Variants in ITGA4 observed in about 807,000 individuals in gnomAD.
ITGA4 encodes integrin subunit alpha 4, also known as integrin alpha-4.
Under a neutral mutation model 133.6 loss-of-function variants are expected in ITGA4, and 63 were observed. That is an observed-to-expected ratio of 0.47 (90% CI 0.38 to 0.58). The LOEUF is 0.58. Among genes scored for constraint, ITGA4 ranks in the 20% least tolerant of loss-of-function variants. The pLI is 0.00. For missense variants in ITGA4, 1,076 were observed against 1,252.7 expected, an observed-to-expected ratio of 0.86 and a Z score of 2.13; for synonymous variants, 483 against 438.0, an observed-to-expected ratio of 1.10 and a Z score of -1.28.
At position 181,523,217 on chromosome 2, in the gene ITGA4, CACATATATACAT is replaced by C. The variant is rs1336275816; in HGVS notation, c.2074-210_2074-199del. ...ATATATATACACACACATATATACACACATATATACATACATATATATACACATACATATATA... is the reference window on the plus strand; with the variant it reads ...ATATATATACACACACATATATACACACATATATATACACATACATATATA... On this transcript the variant is annotated intron_variant, in intron 18 of 27. Coordinates refer to ENST00000397033, the MANE Select transcript of ITGA4 (RefSeq NM_000885.6). This position sits in a 1 kb window ranked among gnomAD's most constrained non-coding sequence, Gnocchi z 4.2. 15 of 392,116 alleles carry C rather than the reference CACATATATACAT, an allele frequency of 3.8e-5. No homozygotes were observed. The highest frequency in any genetic ancestry group is 2.7e-4 in the East Asian group (6 of 22,598). The allele number at this position is 392,116 out of a possible 1,614,324, so 24.3% of individuals were successfully genotyped here. A position where few individuals can be genotyped will look rare whatever the true frequency, so the allele number is the denominator to read the frequency against.
chr2:181,512,912 T>C (rs566728354), intron 17 of ITGA4, among the ~76,000 whole-genome samples: 2 of 152,056 alleles, frequency 1.3e-5, no homozygotes, highest in South Asian at 2.1e-4. Flanking sequence ...TTAGAAGATG[T>C]AAATGTGAGT....
At chr2:181,521,103 C>T (rs1038074447) in intron 17 of ITGA4, among the ~76,000 whole-genome samples, 3 of 152,018 alleles carry the variant, frequency 2.0e-5, no homozygotes, top group Non-Finnish European at 2.9e-5. Context: ...GGATATTTAT[C>T]TTTTTTATCT....
In ITGA4 at chr2:181,538,204, C is replaced by T. The variant is rs753367773; in HGVS notation, c.*2677C>T. The T allele has an allele frequency of 1.8e-5, 28 of 1,584,180 alleles. No homozygotes were observed. Among genetic ancestry groups the T allele is most frequent in the Middle Eastern group, 3.9e-4 (2 of 5,178 alleles). On this transcript the variant is annotated 3_prime_UTR_variant, in exon 28 of 28. Transcript: ENST00000397033. ...ACATGTTACTTTGGAATCATTTCTT[C>T]CATGCTTCCTCCATAAAGACTGATA...
At chr2:181,511,667 CAAAAT>C (rs1559052189) in intron 16 of ITGA4, 27 bp from the exon 17 acceptor site, 2 of 1,231,616 alleles carry the variant, frequency 1.6e-6, no homozygotes, top group Non-Finnish European at 2.4e-6. Flanking sequence ...CTGATTAAAT[CAAAAT>C]AAAAAACGTT....
At position 181,485,964 on chromosome 2, in the gene ITGA4, T is replaced by C; in HGVS notation, c.1125T>C (p.Leu375=). ...GATTTGGGGAATCTATAGTTAATCT[T>C]GGCGACATTGACAATGATGGCTTTG... ...AARFGESIVN[L]GDIDNDGFED... The change falls in exon 10 of 28, where the codon CTT becomes CTC. Residue 375 remains leucine, a synonymous_variant. Transcript: ENST00000397033. 6.3e-7 allele frequency: 1 copy of C among 1,599,284 alleles called. No individual in the cohort carries two copies. The highest frequency in any genetic ancestry group is 8.5e-7 in the Non-Finnish European group (1 of 1,176,488).
intron 2 of ITGA4, among the ~76,000 whole-genome samples, chr2:181,470,562 G>C (rs1004659430): frequency 3.3e-5 from 5 of 152,128 alleles, no homozygotes; most frequent in African/African-American, 1.2e-4. Flanking sequence ...CCCTTCAGTT[G>C]ATTCTAACGT....
At chr2:181,474,638 T>A (rs1016363170) in intron 2 of ITGA4, among the ~76,000 whole-genome samples, 1 of 152,252 alleles carries the variant, frequency 6.6e-6, no homozygotes, top group African/African-American at 2.4e-5. Flanking sequence ...TTCCAAACGT[T>A]AGACACAGCA....
At chr2:181,472,927 C>G (rs143662796) in intron 2 of ITGA4, among the ~76,000 whole-genome samples, 1 of 152,310 alleles carries the variant, frequency 6.6e-6, no homozygotes, top group East Asian at 1.9e-4. Flanking sequence ...CAGCAAGACT[C>G]CTTTCCAATT....
Position 181,475,235 on chromosome 2 carries a change from TG to T in ITGA4, c.504del (p.Pro170LeufsTer7), listed in dbSNP as rs1685647954. ...NKLPTGGCYG[V>X]PPDLRTELSK... is the part of the protein sequence containing the mutation. ...CTCCCCACTGGTGGTTGCTATGGAG[TG>T]CCCCCTGATTTACGAACAGAACTGA... is the stretch of plus-strand genomic sequence containing the variant. On this transcript the variant is annotated frameshift_variant, in exon 4 of 28. Coordinates refer to ENST00000397033, the MANE Select transcript of ITGA4 (RefSeq NM_000885.6). LOFTEE classifies it high-confidence loss of function. 6.2e-7 allele frequency: 1 copy of T among 1,612,842 alleles called. No individual in the cohort carries two copies. Among genetic ancestry groups the T allele is most frequent in the Non-Finnish European group, 8.5e-7 (1 of 1,178,830 alleles).
At position 181,493,435 on chromosome 2, in the gene ITGA4, A is replaced by G. The variant is rs202032302; in HGVS notation, c.1248+16A>G. The G allele has an allele frequency of 2.5e-5, 38 of 1,504,002 alleles. No individual in the cohort carries two copies. In the South Asian group the frequency reaches 2.8e-4, roughly 11 times the overall value. 93.2% of individuals were successfully genotyped at this position (1,504,002 alleles called of 1,614,324 possible). A position where few individuals can be genotyped will look rare whatever the true frequency, so the allele number is the denominator to read the frequency against. On this transcript the variant is annotated intron_variant, in intron 11 of 27. Transcript: ENST00000397033. ...CTTCTCACAGGTAAGGTACTATTCT[A>G]TTTCCAAAAGAAGCATTGGTTATAA...
intron 22 of ITGA4, among the ~76,000 whole-genome samples, chr2:181,528,431 A>G (rs1319417420): frequency 6.6e-6 from 1 of 152,244 alleles, no homozygotes; most frequent in Non-Finnish European, 1.5e-5. Context: ...GTTAAAAAGT[A>G]TTTTCTACTA....
intron 10 of ITGA4, among the ~76,000 whole-genome samples, chr2:181,492,744 G>A (rs1352831436): frequency 2.0e-5 from 3 of 152,132 alleles, no homozygotes; most frequent in Non-Finnish European, 4.4e-5. Context: ...GAAATCCTGT[G>A]TGTCTGTGTG....
intron 21 of ITGA4, among the ~76,000 whole-genome samples, chr2:181,526,783 G>C (rs1380061458): frequency 7.3e-6 from 1 of 136,788 alleles, no homozygotes; most frequent in Non-Finnish European, 1.5e-5. Flanking sequence ...GAATATCGGT[G>C]AGGGACAGAT....
chr2:181,457,881 G>A (rs1685166364), intron 1 of ITGA4, 30 bp downstream of exon 1: 2 of 1,561,362 alleles, frequency 1.3e-6, no homozygotes, highest in Non-Finnish European at 1.7e-6. Context: ...TGCGCCCTCA[G>A]CAGCTCAGAG....
intron 17 of ITGA4, 132 bp downstream of exon 17, chr2:181,511,907 C>A (rs1047504298): frequency 3.7e-6 from 2 of 545,496 alleles, no homozygotes; most frequent in African/African-American, 1.9e-5. Context: ...ATTAGCAACA[C>A]AATGCTTAGT....
intron 11 of ITGA4, among the ~76,000 whole-genome samples, chr2:181,493,809 CAT>C (rs944665414): frequency 1.3e-5 from 2 of 152,200 alleles, no homozygotes; most frequent in African/African-American, 4.8e-5. Flanking sequence ...ATCAAACACA[CAT>C]ATGATTCTCT....
At chr2:181,524,143 A>G (rs1329090587) in intron 19 of ITGA4, 28 bp from the exon 20 acceptor site, 1 of 1,460,308 alleles carries the variant, frequency 6.8e-7, no homozygotes, top group South Asian at 1.3e-5. Context: ...ATTTTTTTTA[A>G]TGGGCTTTCC....
At chr2:181,511,872 C>T (rs918121452) in intron 17 of ITGA4, 97 bp downstream of exon 17, 3 of 639,588 alleles carry the variant, frequency 4.7e-6, no homozygotes, top group African/African-American at 1.8e-5. Flanking sequence ...AGAGCTAACC[C>T]TTGAAAATTA....
intron 18 of ITGA4, 116 bp downstream of exon 18, chr2:181,522,457 C>T (rs924410835): frequency 2.9e-6 from 2 of 692,092 alleles, no homozygotes; most frequent in African/African-American, 3.7e-5. Context: ...TATTTAGGCT[C>T]CTAGTTATTT....
Sources: allele counts gnomAD v4.1 joint callset (sites outside exome capture counted in the v4.1 genomes callset), GRCh38; gene constraint gnomAD v4.1.1; non-coding constraint Gnocchi (gnomAD v3.1); transcripts MANE v1.5; gene names NCBI Gene and HGNC (gene_info 2026-07-23, HGNC 2026-07-21).